Variants in PIP4K2A observed in about 807,000 individuals in gnomAD.
The protein encoded by PIP4K2A is phosphatidylinositol-5-phosphate 4-kinase type 2 alpha, also known as phosphatidylinositol 5-phosphate 4-kinase type-2 alpha.
In PIP4K2A, 14 loss-of-function variants were observed where a neutral mutation model predicts 42.9. The observed-to-expected ratio is 0.33, with a 90% CI of 0.22 to 0.51. The LOEUF (loss-of-function observed/expected upper bound fraction) is 0.51. Among genes scored for constraint, PIP4K2A ranks in the 20% least tolerant of loss-of-function variants. The pLI is 0.97. For missense variants in PIP4K2A, 434 were observed against 519.8 expected, an observed-to-expected ratio of 0.83 and a Z score of 1.61; for synonymous variants, 192 against 192.2, an observed-to-expected ratio of 1.00 and a Z score of 0.01.
At chr10:22,565,005 G>A (rs369181270) in intron 6 of PIP4K2A, among the ~76,000 whole-genome samples, 2 of 152,202 alleles carry the variant, frequency 1.3e-5, no homozygotes, top group South Asian at 4.1e-4. Flanking sequence ...CTAGTTCCAC[G>A]AAGCAGTTCT....
chr10:22,563,455 CAAAT>C lies in PIP4K2A; in HGVS notation c.678+4392_678+4395del, dbSNP rs1264186772. ...TTGTTTTGCTAACATAGTATGGAAA[CAAAT>C]AATTTATTTCACTACTTTAGAAAAA... On this transcript the variant is annotated intron_variant, in intron 6 of 9. Transcript: ENST00000376573. Among the ~76,000 whole-genome samples, 14 of 152,234 alleles carry C rather than the reference CAAAT, an allele frequency of 9.2e-5. No individual in the cohort carries two copies. The South Asian group carries it at 1.2e-3, about 14-fold the overall frequency.
At chr10:22,665,869 C>A (rs778317799) in intron 1 of PIP4K2A, among the ~76,000 whole-genome samples, 3 of 151,450 alleles carry the variant, frequency 2.0e-5, no homozygotes, top group African/African-American at 7.3e-5. Context: ...CATATATATA[C>A]ACACACACAG....
At chr10:22,607,832 C>T (rs917146755) in intron 3 of PIP4K2A, 95 bp downstream of exon 3, 18 of 697,106 alleles carry the variant, frequency 2.6e-5, no homozygotes, top group East Asian at 1.1e-4. Flanking sequence ...TTATATAATA[C>T]TTTTATTGAC....
intron 9 of PIP4K2A, among the ~76,000 whole-genome samples, chr10:22,538,555 T>G (rs1049041343): frequency 6.6e-5 from 10 of 152,140 alleles, no homozygotes; most frequent in African/African-American, 2.2e-4. Context: ...GTCATACAAG[T>G]GGGAAGGGTC....
At chr10:22,655,876 G>C (rs1839090314) in intron 1 of PIP4K2A, among the ~76,000 whole-genome samples, 2 of 152,136 alleles carry the variant, frequency 1.3e-5, no homozygotes, top group Admixed American at 6.5e-5. Context: ...AGAGCTGAGT[G>C]TGTTGTGCTG....
chr10:22,708,983 T>C (rs1473742652), intron 1 of PIP4K2A, among the ~76,000 whole-genome samples: 1 of 152,178 alleles, frequency 6.6e-6, no homozygotes, highest in Admixed American at 6.5e-5. Context: ...AGGGTCTTGC[T>C]ATGCTGCCCA....
At chr10:22,559,712 G>T (rs887001083) in intron 6 of PIP4K2A, among the ~76,000 whole-genome samples, 17 of 152,232 alleles carry the variant, frequency 1.1e-4, no homozygotes, top group African/African-American at 4.1e-4. Context: ...GAAGATTTTA[G>T]TGATGGTCAG....
At chr10:22,630,446 T>C (rs1367009170) in intron 1 of PIP4K2A, among the ~76,000 whole-genome samples, 1 of 152,208 alleles carries the variant, frequency 6.6e-6, no homozygotes, top group Non-Finnish European at 1.5e-5. Flanking sequence ...TATAAGTAGC[T>C]ACTTAGATGT....
At chr10:22,653,611 C>T (rs1171008683) in intron 1 of PIP4K2A, among the ~76,000 whole-genome samples, 1 of 152,168 alleles carries the variant, frequency 6.6e-6, no homozygotes, top group Non-Finnish European at 1.5e-5. Flanking sequence ...TCCTACGCAC[C>T]TAAAGTTAGT....
chr10:22,641,355 A>G (rs777570250), intron 1 of PIP4K2A, among the ~76,000 whole-genome samples: 1 of 152,252 alleles, frequency 6.6e-6, no homozygotes, highest in Non-Finnish European at 1.5e-5. Flanking sequence ...ATAGATCTAC[A>G]TTAACACGCT....
At chr10:22,674,786 T>A (rs1031945254) in intron 1 of PIP4K2A, among the ~76,000 whole-genome samples, 4 of 150,642 alleles carry the variant, frequency 2.7e-5, no homozygotes, top group Admixed American at 6.6e-5. Context: ...TACCAAAAAA[T>A]AAATAAATAA....
chr10:22,625,024 G>T (rs1431549033), intron 1 of PIP4K2A, among the ~76,000 whole-genome samples: 1 of 152,130 alleles, frequency 6.6e-6, no homozygotes, highest in East Asian at 1.9e-4. Flanking sequence ...ATAAGTTTCA[G>T]AATAAAATTT....
chr10:22,569,132 A>G lies in PIP4K2A; in HGVS notation c.640-1243T>C, dbSNP rs2130789434. On this transcript the variant is annotated intron_variant, in intron 5 of 9. Transcript: ENST00000376573. ...ATTGACTAGGATTGAGCTTCCTGCA[A>G]TTCACAGATGCGGAAACTTGAACGG... 3.8e-6 allele frequency: 4 copies of G among 1,048,776 alleles called. No homozygotes were observed. The East Asian group carries it at 1.0e-4, about 27-fold the overall frequency. The allele number at this position is 1,048,776 out of a possible 1,614,324, so 65.0% of individuals were successfully genotyped here. A position where few individuals can be genotyped will look rare whatever the true frequency, so the allele number is the denominator to read the frequency against.
intron 1 of PIP4K2A, among the ~76,000 whole-genome samples, chr10:22,642,371 T>C (rs1466783364): frequency 1.3e-5 from 2 of 152,162 alleles, no homozygotes; most frequent in Non-Finnish European, 2.9e-5. Flanking sequence ...GCAAATAAAA[T>C]CATACCAACA....
At chr10:22,651,334 C>A (rs141103599) in intron 1 of PIP4K2A, among the ~76,000 whole-genome samples, 3 of 152,220 alleles carry the variant, frequency 2.0e-5, no homozygotes, top group African/African-American at 7.2e-5. Context: ...CAAAAGATGA[C>A]TTCCAATTGC....
intron 6 of PIP4K2A, among the ~76,000 whole-genome samples, chr10:22,557,469 T>C (rs188979787): frequency 1.3e-5 from 2 of 152,346 alleles, no homozygotes; most frequent in South Asian, 4.1e-4. Context: ...TTGTTTGAAG[T>C]GGGAATTAAC....
chr10:22,713,717 C>T (rs2130936622), intron 1 of PIP4K2A, among the ~76,000 whole-genome samples: 1 of 152,200 alleles, frequency 6.6e-6, no homozygotes, highest in East Asian at 1.9e-4. Context: ...CGCGCCCAGC[C>T]CGGGACAGGT....
intron 1 of PIP4K2A, among the ~76,000 whole-genome samples, chr10:22,647,683 A>T (rs747794039): frequency 1.3e-5 from 2 of 152,226 alleles, no homozygotes; most frequent in Non-Finnish European, 2.9e-5. Context: ...CCAAGTAACA[A>T]GGAAAAGGCC....
At chr10:22,638,722 T>C (rs1268192581) in intron 1 of PIP4K2A, among the ~76,000 whole-genome samples, 1 of 152,232 alleles carries the variant, frequency 6.6e-6, no homozygotes, top group East Asian at 1.9e-4. Context: ...AAGAAATTCA[T>C]TGACATATTT....
Sources: gnomAD v4.1 joint callset for allele counts (sites outside exome capture counted in the v4.1 genomes callset) on GRCh38, gnomAD v4.1.1 for gene constraint, MANE v1.5 for transcripts, NCBI Gene and HGNC (gene_info 2026-07-23, HGNC 2026-07-21) for gene names.